The following PDE4D variants were observed in gnomAD, a reference collection of about 807,000 sequenced individuals.
The protein encoded by PDE4D is 3',5'-cyclic-AMP phosphodiesterase 4D.
PDE4D carries 24 observed loss-of-function variants against 87.4 expected under a neutral mutation model. The ratio of observed to expected loss-of-function variants is 0.27; its 90% CI spans 0.20 to 0.39. The LOEUF is 0.39. Ranked by LOEUF, PDE4D falls within the 10% of genes least tolerant of loss-of-function variation. The pLI is 1.00. For synonymous variants in PDE4D, 384 were observed against 383.2 expected (o/e 1.00, Z -0.02); for missense variants, 714 against 1,041.0 (o/e 0.69, Z 4.32).
chr5:59,487,920 A>G (rs1325764765), intron 1 of PDE4D, among the ~76,000 whole-genome samples: 1 of 152,046 alleles, frequency 6.6e-6, no homozygotes, highest in Non-Finnish European at 1.5e-5. Flanking sequence ...CCCTTTAGAG[A>G]GCTACCACAA....
At position 59,097,936 on chromosome 5, in the gene PDE4D, C is replaced by T. The variant is rs148648192; in HGVS notation, c.809-58965G>A. ...CTCATAATCACATTGCAATGACAGACAAGAAGATCAAAGTACAGGTGCAGT... is the reference window on the plus strand; with the variant it reads ...CTCATAATCACATTGCAATGACAGATAAGAAGATCAAAGTACAGGTGCAGT... On this transcript the variant is annotated intron_variant, in intron 5 of 14. Coordinates refer to ENST00000340635, the MANE Select transcript of PDE4D (RefSeq NM_001104631.2). Among the ~76,000 whole-genome samples, 16 of 152,224 alleles carry T rather than the reference C, an allele frequency of 1.1e-4. No individual in the cohort carries two copies. The East Asian group carries it at 2.9e-3, about 28-fold the overall frequency.
intron 1 of PDE4D, among the ~76,000 whole-genome samples, chr5:59,346,350 A>G (rs1283828977): frequency 1.3e-5 from 2 of 152,136 alleles, no homozygotes; most frequent in Non-Finnish European, 2.9e-5. Flanking sequence ...AGATCCTTGC[A>G]GAGTGCTAAG....
chr5:59,563,619 G>T (rs76172503), intron 1 of PDE4D, among the ~76,000 whole-genome samples: 6,457 of 152,214 alleles, frequency 0.042, 169 homozygotes, highest in Non-Finnish European at 0.068. Context: ...ATTCATATTT[G>T]CCTTATTGTA....
At position 59,781,579 on chromosome 5, in the gene PDE4D, A is replaced by G. The variant is rs756025396; in HGVS notation, c.455+111589T>C. On this transcript the variant is annotated intron_variant, in intron 1 of 14. Transcript: ENST00000340635. ...AAGGCAGGTGGATTACGAGGTCAGG[A>G]ATTCAAAACCAGCCTGGCCAAGATG... 3.1e-4 allele frequency among the ~76,000 whole-genome samples: 47 copies of G among 151,972 alleles called. 1 individual carries two copies. The highest frequency in any genetic ancestry group is 8.7e-4 in the African/African-American group (36 of 41,366).
At chr5:59,639,948 T>TTA (rs979456869) in intron 1 of PDE4D, among the ~76,000 whole-genome samples, 12 of 151,960 alleles carry the variant, frequency 7.9e-5, no homozygotes, top group African/African-American at 2.4e-4. Flanking sequence ...TTTTTTTTTT[T>TTA]TAACATTAAT....
intron 1 of PDE4D, among the ~76,000 whole-genome samples, chr5:59,266,688 T>C (rs1430558634): frequency 1.3e-5 from 2 of 151,864 alleles, no homozygotes; most frequent in African/African-American, 2.4e-5. Flanking sequence ...ACAAATACCA[T>C]AGGCAAACAT....
chr5:60,340,900 C>T (rs6860626), intron 1 of PDE4D, among the ~76,000 whole-genome samples: 32,052 of 151,954 alleles, frequency 0.21, 3,599 homozygotes, highest in South Asian at 0.39. Context: ...AATAATTTCC[C>T]AGTCTTCCAT....
At chr5:60,500,422 C>T (rs1750016513) in intron 1 of PDE4D, among the ~76,000 whole-genome samples, 1 of 152,184 alleles carries the variant, frequency 6.6e-6, no homozygotes, top group Non-Finnish European at 1.5e-5. Flanking sequence ...TTATGTAATA[C>T]TACATTAGAG....
chr5:59,327,083 T>C (rs2153574662), intron 1 of PDE4D, among the ~76,000 whole-genome samples: 1 of 150,582 alleles, frequency 6.6e-6, no homozygotes, highest in East Asian at 2.0e-4. Flanking sequence ...ATGGAATGAA[T>C]GGACACATTA....
chr5:59,250,511 GAAAGA>G (rs2153528924), intron 1 of PDE4D, among the ~76,000 whole-genome samples: 2 of 148,870 alleles, frequency 1.3e-5, no homozygotes, highest in South Asian at 4.3e-4. Flanking sequence ...AAAAAAGAAA[GAAAGA>G]AAAGAAAAAA....
chr5:59,136,640 A>G (rs1466468754), intron 5 of PDE4D, among the ~76,000 whole-genome samples: 1 of 152,192 alleles, frequency 6.6e-6, no homozygotes, highest in Non-Finnish European at 1.5e-5. Context: ...CTTGGTGCAG[A>G]ATAGTATTTG....
intron 1 of PDE4D, among the ~76,000 whole-genome samples, chr5:60,293,172 C>A (rs1218925185): frequency 2.0e-5 from 3 of 151,884 alleles, no homozygotes; most frequent in African/African-American, 7.3e-5. Flanking sequence ...TCATAAGCCA[C>A]CCCTGTTGAA....
At chr5:60,186,337 G>A (rs1784780285) in intron 1 of PDE4D, among the ~76,000 whole-genome samples, 1 of 152,108 alleles carries the variant, frequency 6.6e-6, no homozygotes, top group South Asian at 2.1e-4. Flanking sequence ...CAGAGTAATT[G>A]CCACTTGAAT....
At chr5:59,828,702 C>A (rs1023445162) in intron 1 of PDE4D, among the ~76,000 whole-genome samples, 3 of 152,064 alleles carry the variant, frequency 2.0e-5, no homozygotes, top group South Asian at 4.1e-4. Flanking sequence ...ATTGGCCTGA[C>A]CCCATTGTGC....
At chr5:60,262,113 A>G (rs1749706703) in intron 1 of PDE4D, among the ~76,000 whole-genome samples, 1 of 152,026 alleles carries the variant, frequency 6.6e-6, no homozygotes, top group Non-Finnish European at 1.5e-5. Flanking sequence ...ACCACCCACA[A>G]AGCCTACTAT....
intron 1 of PDE4D, among the ~76,000 whole-genome samples, chr5:59,702,227 C>G (rs1752678540): frequency 6.6e-6 from 1 of 152,074 alleles, no homozygotes; most frequent in South Asian, 2.1e-4. Flanking sequence ...AGGTTCACGT[C>G]ATTCTCCTGC....
intron 6 of PDE4D, among the ~76,000 whole-genome samples, chr5:59,006,872 AAAACT>A (rs1194240344): frequency 1.3e-5 from 2 of 152,216 alleles, no homozygotes; most frequent in Non-Finnish European, 2.9e-5. Context: ...AGGGAAAAAC[AAAACT>A]AAATTATGGG....
chr5:60,122,431 G>C (rs531758808), intron 2 of PDE4D, among the ~76,000 whole-genome samples: 1 of 152,326 alleles, frequency 6.6e-6, no homozygotes, highest in East Asian at 1.9e-4. Context: ...ATAGGCGGAG[G>C]TTCCCGAACT....
chr5:60,089,605 C>T (rs1774893170), intron 2 of PDE4D, among the ~76,000 whole-genome samples: 1 of 151,532 alleles, frequency 6.6e-6, no homozygotes, highest in African/African-American at 2.4e-5. Context: ...AGACTTCAAA[C>T]AAACAACCTA....
Sources: gnomAD v4.1 joint callset for allele counts (sites outside exome capture counted in the v4.1 genomes callset) on GRCh38, gnomAD v4.1.1 for gene constraint, MANE v1.5 for transcripts, NCBI Gene and HGNC (gene_info 2026-07-23, HGNC 2026-07-21) for gene names.